RB1: variants seen among roughly 807,000 people sequenced by gnomAD.
The protein encoded by RB1 is retinoblastoma-associated protein.
A neutral mutation model predicts 135.4 loss-of-function variants in RB1; 18 were observed. The observed-to-expected ratio is 0.13, with a 90% CI of 0.09 to 0.20. RB1 has a LOEUF of 0.20. Among genes scored for constraint, RB1 ranks in the 10% least tolerant of loss-of-function variants. The probability of loss-of-function intolerance (pLI) is 1.00; values close to 1 mark genes in which losing one functional copy is unlikely to be tolerated. For missense variants in RB1, 868 were observed against 1,110.0 expected, an observed-to-expected ratio of 0.78 and a Z score of 3.10; for synonymous variants, 365 against 373.2, an observed-to-expected ratio of 0.98 and a Z score of 0.25.
chr13:48,356,327 G>T (rs553791099), intron 6 of RB1, among the ~76,000 whole-genome samples: 1 of 152,124 alleles, frequency 6.6e-6, no homozygotes, highest in Non-Finnish European at 1.5e-5. Flanking sequence ...TCATATTACA[G>T]TGCTACCTTT....
At chr13:48,445,521 T>C (rs1362042825) in intron 17 of RB1, among the ~76,000 whole-genome samples, 2 of 152,196 alleles carry the variant, frequency 1.3e-5, no homozygotes, top group Non-Finnish European at 2.9e-5. Context: ...TCTTAGCATA[T>C]GATCTTTCAT....
chr13:48,431,563 T>C (rs186039976), intron 17 of RB1, among the ~76,000 whole-genome samples: 93 of 152,126 alleles, frequency 6.1e-4, no homozygotes, highest in Non-Finnish European at 1.5e-4. Flanking sequence ...CTGTGGTTAC[T>C]TTTTTTTATT....
intron 8 of RB1, among the ~76,000 whole-genome samples, chr13:48,364,589 T>A (rs1952675497): frequency 1.3e-5 from 2 of 152,126 alleles, no homozygotes; most frequent in African/African-American, 4.8e-5. Context: ...TTTTGGGTAC[T>A]CAAAAGTAAT....
intron 4 of RB1, 79 bp downstream of exon 4, chr13:48,345,278 C>A (rs2138088100): frequency 1.4e-6 from 2 of 1,476,418 alleles, no homozygotes; most frequent in Non-Finnish European, 1.9e-6. Flanking sequence ...AATTATTTAA[C>A]ACATTTAGTA....
chr13:48,312,918 T>C (rs544900086), intron 2 of RB1, among the ~76,000 whole-genome samples: 36 of 152,320 alleles, frequency 2.4e-4, no homozygotes, highest in Admixed American at 1.0e-3. Flanking sequence ...TTATTTTTCA[T>C]TGTTACAACC....
chr13:48,379,533 ATTTCAT>A, intron 13 of RB1, 55 bp from the exon 14 acceptor site: 2 of 1,561,538 alleles, frequency 1.3e-6, no homozygotes, highest in Non-Finnish European at 8.7e-7. Flanking sequence ...AAAAAAAAAA[ATTTCAT>A]AATTGTGATT....
chr13:48,318,743 GA>G, intron 2 of RB1: 1 of 660,558 alleles, frequency 1.5e-6, no homozygotes, highest in Admixed American at 2.2e-5. Flanking sequence ...GTGTTTTAGA[GA>G]GGGGGGCCTT....
intron 2 of RB1, among the ~76,000 whole-genome samples, chr13:48,339,280 A>G (rs1324202467): frequency 6.6e-6 from 1 of 152,188 alleles, no homozygotes; most frequent in East Asian, 1.9e-4. Flanking sequence ...GGTGGAATCT[A>G]CAGAGGCAGG....
At chr13:48,318,670 T>C (rs1952207746) in intron 2 of RB1, 3 of 613,474 alleles carry the variant, frequency 4.9e-6, no homozygotes, top group Admixed American at 2.6e-5. Flanking sequence ...TTCTTGGGCG[T>C]GGACGGCCTC....
At chr13:48,352,898 G>A (rs1593439987) in intron 6 of RB1, among the ~76,000 whole-genome samples, 1 of 152,080 alleles carries the variant, frequency 6.6e-6, no homozygotes, top group African/African-American at 2.4e-5. Flanking sequence ...TTGTTGAATA[G>A]GAGTGGTGAA....
In RB1 at chr13:48,319,610, G is replaced by T; in HGVS notation, c.264+12204G>T. The T allele has an allele frequency of 3.9e-6, 1 of 253,964 alleles. No individual in the cohort carries two copies. Among genetic ancestry groups the T allele is most frequent in the East Asian group, 1.0e-4 (1 of 9,850 alleles). The allele number at this position is 253,964 out of a possible 1,614,324, so 15.7% of individuals were successfully genotyped here. A position where few individuals can be genotyped will look rare whatever the true frequency, so the allele number is the denominator to read the frequency against. On this transcript the variant is annotated intron_variant, in intron 2 of 26. Transcript: ENST00000267163. This position sits in a 1 kb window ranked among gnomAD's most constrained non-coding sequence, Gnocchi z 5.0. ...GCTGCACGTTCGTCTTTGCTAACCGGGGAGGTTTGCGAAAGGCGAACTCTT... is the reference window on the plus strand; with the variant it reads ...GCTGCACGTTCGTCTTTGCTAACCGTGGAGGTTTGCGAAAGGCGAACTCTT...
intron 11 of RB1, among the ~76,000 whole-genome samples, chr13:48,372,739 T>TAA (rs1243641442): frequency 6.6e-6 from 1 of 152,190 alleles, no homozygotes. Flanking sequence ...CATATTTTAC[T>TAA]AAATAATAGT....
intron 17 of RB1, among the ~76,000 whole-genome samples, chr13:48,386,906 A>T (rs1202005183): frequency 6.6e-6 from 1 of 152,184 alleles, no homozygotes; most frequent in Non-Finnish European, 1.5e-5. Context: ...AGATAAACCA[A>T]TGGATTTTAA....
chr13:48,317,986 C>G (rs1952200680), intron 2 of RB1: 5 of 476,902 alleles, frequency 1.0e-5, no homozygotes, highest in South Asian at 9.2e-5. Context: ...GTTCGATGCT[C>G]TCGTCACTGT....
At chr13:48,355,494 A>G (rs1386153798) in intron 6 of RB1, among the ~76,000 whole-genome samples, 3 of 152,092 alleles carry the variant, frequency 2.0e-5, no homozygotes, top group Admixed American at 6.6e-5. Flanking sequence ...TACAACTACT[A>G]TGGAGAACAG....
Position 48,319,483 on chromosome 13 carries a change from C to T in RB1, c.264+12077C>T, listed in dbSNP as rs1340657690. 2 of 298,938 alleles carry T rather than the reference C, an allele frequency of 6.7e-6. No individual in the cohort carries two copies. The highest frequency in any genetic ancestry group is 9.0e-5 in the East Asian group (1 of 11,172). 18.5% of individuals were successfully genotyped at this position (298,938 alleles called of 1,614,324 possible). ...AGGGCGCCAGCGCTCCTCTTGACCC[C>T]GCTTTTATTCTGTGGTGCTTCTGAA... On this transcript the variant is annotated intron_variant, in intron 2 of 26. Transcript: ENST00000267163. This position sits in a 1 kb window ranked among gnomAD's most constrained non-coding sequence, Gnocchi z 5.0.
chr13:48,440,114 A>G (rs2138303410), intron 17 of RB1, among the ~76,000 whole-genome samples: 1 of 152,256 alleles, frequency 6.6e-6, no homozygotes, highest in African/African-American at 2.4e-5. Context: ...TTTTGGGTAT[A>G]TCAAAATCTT....
At chr13:48,407,080 G>A (rs1435864224) in intron 17 of RB1, among the ~76,000 whole-genome samples, 3 of 152,158 alleles carry the variant, frequency 2.0e-5, no homozygotes, top group Middle Eastern at 3.2e-3. Context: ...TTGATAGGAC[G>A]ATAATGGAAC....
intron 6 of RB1, among the ~76,000 whole-genome samples, chr13:48,356,672 G>A (rs947742030): frequency 6.6e-6 from 1 of 151,816 alleles, no homozygotes; most frequent in Non-Finnish European, 1.5e-5. Flanking sequence ...TATAATTATT[G>A]CATTTGGTTA....
Sources: gnomAD v4.1 joint callset for allele counts (sites outside exome capture counted in the v4.1 genomes callset) on GRCh38, gnomAD v4.1.1 for gene constraint, Gnocchi (gnomAD v3.1) non-coding constraint, MANE v1.5 for transcripts, NCBI Gene and HGNC (gene_info 2026-07-23, HGNC 2026-07-21) for gene names.